FOXP2: variants seen among roughly 807,000 people sequenced by gnomAD.
FOXP2 encodes the protein forkhead box P2.
A neutral mutation model predicts 115.8 loss-of-function variants in FOXP2; 12 were observed. The observed-to-expected ratio is 0.10, with a 90% CI of 0.07 to 0.17. The LOEUF is 0.17. FOXP2 is among the 10% of genes least tolerant of loss of function. The probability of loss-of-function intolerance (pLI) is 1.00; values close to 1 mark genes in which losing one functional copy is unlikely to be tolerated. For synonymous variants in FOXP2, 328 were observed against 297.7 expected (o/e 1.10, Z -1.05); for missense variants, 629 against 843.5 (o/e 0.75, Z 3.15).
At chr7:114,340,044 C>A (rs773786809) in intron 2 of FOXP2, among the ~76,000 whole-genome samples, 14 of 151,132 alleles carry the variant, frequency 9.3e-5, no homozygotes, top group Non-Finnish European at 1.3e-4. Context: ...TAAATAGCAA[C>A]TGGTAGTGTC....
chr7:114,273,135 A>T (rs1051276138), intron 1 of FOXP2, among the ~76,000 whole-genome samples: 4 of 151,956 alleles, frequency 2.6e-5, no homozygotes, highest in Non-Finnish European at 4.4e-5. Flanking sequence ...TTGATAAGTT[A>T]TATTTTCATT....
At chr7:114,221,369 T>C (rs553948291) in intron 1 of FOXP2, among the ~76,000 whole-genome samples, 2 of 152,322 alleles carry the variant, frequency 1.3e-5, no homozygotes, top group Non-Finnish European at 1.5e-5. Flanking sequence ...TATTTTGTAC[T>C]TAAAAATGTC....
chr7:114,279,880 A>T (rs1379235052), intron 1 of FOXP2, among the ~76,000 whole-genome samples: 2 of 152,064 alleles, frequency 1.3e-5, no homozygotes, highest in African/African-American at 4.8e-5. Context: ...AGAATAAAAT[A>T]AATACATGAA....
chr7:114,370,037 A>G (rs780425817), intron 2 of FOXP2, among the ~76,000 whole-genome samples: 4 of 152,234 alleles, frequency 2.6e-5, no homozygotes, highest in Non-Finnish European at 4.4e-5. Flanking sequence ...CATAAAATCT[A>G]TTAATGATAT....
intron 2 of FOXP2, among the ~76,000 whole-genome samples, chr7:114,292,856 T>C (rs1447124101): frequency 6.6e-6 from 1 of 152,226 alleles, no homozygotes; most frequent in Admixed American, 6.5e-5. Context: ...GTAAAACACC[T>C]TCTTGATTTA....
chr7:114,691,280 AAGT>A lies in FOXP2; in HGVS notation c.*1357_*1359del. 1 of 451,506 alleles carries A rather than the reference AAGT, an allele frequency of 2.2e-6. No individual in the cohort carries two copies. 28.0% of individuals were successfully genotyped at this position (451,506 alleles called of 1,614,324 possible). On this transcript the variant is annotated 3_prime_UTR_variant, in exon 17 of 17. Transcript: ENST00000350908. Reference sequence around the variant, plus strand: ...TCTTAAGTTATAATGAAAAAACAAAAAGTAGGAACCAAACATAAAAGGTCTAGT... The same window carrying A: ...TCTTAAGTTATAATGAAAAAACAAAAAGGAACCAAACATAAAAGGTCTAGT...
intron 14 of FOXP2, 48 bp from the exon 15 acceptor site, chr7:114,663,402 G>A (rs758836219): frequency 1.7e-5 from 23 of 1,344,146 alleles, no homozygotes; most frequent in Admixed American, 6.8e-5. Context: ...TGATATCCAC[G>A]TTTTATATTT....
chr7:114,284,103 C>A (rs980078763), intron 1 of FOXP2, among the ~76,000 whole-genome samples: 2 of 152,112 alleles, frequency 1.3e-5, no homozygotes, highest in Non-Finnish European at 2.9e-5. Context: ...TTGCCTGCCA[C>A]AGCATACCTC....
intron 1 of FOXP2, among the ~76,000 whole-genome samples, chr7:114,174,201 T>C (rs1793226343): frequency 6.6e-6 from 1 of 151,984 alleles, no homozygotes; most frequent in African/African-American, 2.4e-5. Context: ...CACACATACT[T>C]ATGTATGTAC....
chr7:114,411,955 A>G (rs902258979), upstream of FOXP2, among the ~76,000 whole-genome samples: 13 of 152,188 alleles, frequency 8.5e-5, no homozygotes, highest in Non-Finnish European at 1.5e-4. Context: ...ATAGATTTTA[A>G]TACAGCAAAA....
intron 16 of FOXP2, chr7:114,667,798 G>A (rs1288166946): frequency 6.6e-6 from 1 of 152,114 alleles, no homozygotes; most frequent in African/African-American, 2.4e-5. Flanking sequence ...ATCTAAAAGT[G>A]TACTGAATGA....
intron 2 of FOXP2, among the ~76,000 whole-genome samples, chr7:114,334,959 A>ATT (rs1797813478): frequency 7.1e-6 from 1 of 140,200 alleles, no homozygotes. Context: ...ATATATATAT[A>ATT]GAAATCCAAG....
intron 2 of FOXP2, among the ~76,000 whole-genome samples, chr7:114,462,402 T>C (rs1357680352): frequency 1.5e-5 from 2 of 135,204 alleles, no homozygotes; most frequent in Non-Finnish European, 3.2e-5. Flanking sequence ...GACAGAGTCT[T>C]GCTCAGTCGC....
At chr7:114,127,818 T>C (rs959640483) in intron 1 of FOXP2, among the ~76,000 whole-genome samples, 1 of 152,214 alleles carries the variant, frequency 6.6e-6, no homozygotes. Flanking sequence ...CTTCTTCCAC[T>C]TTTCCTTTCC....
chr7:114,344,338 G>A (rs566501126), intron 2 of FOXP2, among the ~76,000 whole-genome samples: 2 of 151,780 alleles, frequency 1.3e-5, no homozygotes, highest in South Asian at 4.2e-4. Context: ...GTTCTTTGTT[G>A]TACAAAATGA....
chr7:114,572,862 G>A (rs1015572296), intron 3 of FOXP2, among the ~76,000 whole-genome samples: 2 of 151,810 alleles, frequency 1.3e-5, no homozygotes, highest in East Asian at 1.9e-4. Context: ...TGATTCACCA[G>A]AGGCCATGTA....
chr7:114,659,532 A>C (rs1806763472), intron 12 of FOXP2, 40 bp from the exon 13 acceptor site: 1 of 1,593,970 alleles, frequency 6.3e-7, no homozygotes, highest in South Asian at 1.1e-5. Context: ...TAGTTAGTAA[A>C]CCATTATTTT....
intron 2 of FOXP2, among the ~76,000 whole-genome samples, chr7:114,366,844 A>G (rs1476737703): frequency 6.6e-6 from 1 of 152,060 alleles, no homozygotes; most frequent in Non-Finnish European, 1.5e-5. Flanking sequence ...TCACTATTAG[A>G]CTTTTTTTTT....
chr7:114,102,312 T>C (rs938966902), intron 1 of FOXP2, among the ~76,000 whole-genome samples: 11 of 152,048 alleles, frequency 7.2e-5, no homozygotes, highest in African/African-American at 2.2e-4. Context: ...CAAACCATTA[T>C]TGATTTTAGA....
Sources: allele counts gnomAD v4.1 joint callset (sites outside exome capture counted in the v4.1 genomes callset), GRCh38; gene constraint gnomAD v4.1.1; transcripts MANE v1.5; gene names NCBI Gene and HGNC (gene_info 2026-07-23, HGNC 2026-07-21).